The following STON2 variants were observed in gnomAD, a reference collection of about 807,000 sequenced individuals.
STON2 encodes the protein stonin-2.
Under a neutral mutation model 65.7 loss-of-function variants are expected in STON2, and 29 were observed. The observed-to-expected ratio is 0.44, with a 90% CI of 0.33 to 0.60. The LOEUF is 0.60. Ranked by LOEUF, STON2 falls within the 20% of genes least tolerant of loss-of-function variation. The pLI is 0.03. For missense variants in STON2, 1,054 were observed against 1,118.1 expected (o/e 0.94, Z 0.82); for synonymous variants, 404 against 414.2 (o/e 0.98, Z 0.30).
intron 5 of STON2, among the ~76,000 whole-genome samples, chr14:81,311,850 T>C (rs573234973): frequency 6.6e-6 from 1 of 152,352 alleles, no homozygotes; most frequent in African/African-American, 2.4e-5. Flanking sequence ...TACATATTAC[T>C]TCTGTTTTGC....
intron 5 of STON2, among the ~76,000 whole-genome samples, chr14:81,296,586 TC>T (rs1309407699): frequency 3.3e-5 from 5 of 152,178 alleles, no homozygotes; most frequent in African/African-American, 1.2e-4. Flanking sequence ...TCTCTTTGTC[TC>T]TTTTTCTCTG....
At chr14:81,279,457 G>A (rs1221515103) in intron 5 of STON2, among the ~76,000 whole-genome samples, 15 of 152,280 alleles carry the variant, frequency 9.9e-5, no homozygotes, top group African/African-American at 2.9e-4. Context: ...TTGGGAGGCC[G>A]AGGTGGGCAA....
chr14:81,363,955 T>C (rs1898609751), intron 4 of STON2, among the ~76,000 whole-genome samples: 1 of 152,140 alleles, frequency 6.6e-6, no homozygotes, highest in African/African-American at 2.4e-5. Context: ...TGTTATATCT[T>C]GTACAGAGAC....
In STON2 at chr14:81,277,471, CCA is replaced by C; in HGVS notation, c.2009_2010del (p.Leu670ArgfsTer4). ...SFLSGLAECR[L>X]GLNDILVKGN... is the part of the protein sequence containing the mutation. ...CCTTTGACGAGGATGTCATTGAGGCCCAGGCGGCACTCTGCGAGCCCAGACAG... is the reference window on the plus strand; with the variant it reads ...CCTTTGACGAGGATGTCATTGAGGCCGGCGGCACTCTGCGAGCCCAGACAG... On this transcript the variant is annotated frameshift_variant, in exon 6 of 8. Transcript: ENST00000614646. LOFTEE classifies it high-confidence loss of function. 6.2e-7 allele frequency: 1 copy of C among 1,614,100 alleles called. No individual in the cohort carries two copies. The highest frequency in any genetic ancestry group is 8.5e-7 in the Non-Finnish European group (1 of 1,180,028).
At chr14:81,395,597 A>T in intron 3 of STON2, 1 of 316,592 alleles carries the variant, frequency 3.2e-6, no homozygotes, top group South Asian at 4.5e-5. Context: ...AGTAAATATA[A>T]TTCCAATCCC....
At position 81,266,433 on chromosome 14, in the gene STON2, A is replaced by G. The variant is rs1300156577; in HGVS notation, c.*1981T>C. On this transcript the variant is annotated 3_prime_UTR_variant, in exon 8 of 8. Coordinates refer to ENST00000614646, the MANE Select transcript of STON2 (RefSeq NM_001394390.1). ...GCTCAATAGAAATTTCTAGGCAGCT[A>G]TTGTATCATTCCCTCCTTGTCTGCA... is the stretch of plus-strand genomic sequence containing the variant. Among the ~76,000 whole-genome samples the G allele has an allele frequency of 6.6e-6, 1 of 152,160 alleles. No individual in the cohort carries two copies. The highest frequency in any genetic ancestry group is 1.5e-5 in the Non-Finnish European group (1 of 68,024).
At chr14:81,379,200 A>C (rs1485327689) in intron 3 of STON2, among the ~76,000 whole-genome samples, 2 of 152,218 alleles carry the variant, frequency 1.3e-5, no homozygotes, top group Non-Finnish European at 2.9e-5. Context: ...ATCAACATAT[A>C]AAAGTGAATT....
chr14:81,379,146 T>TA (rs1344971209), intron 3 of STON2, among the ~76,000 whole-genome samples: 1 of 152,218 alleles, frequency 6.6e-6, no homozygotes, highest in Non-Finnish European at 1.5e-5. Flanking sequence ...ACCAATAAGT[T>TA]AGCAAATTAA....
At chr14:81,335,668 T>C (rs1011992377) in intron 4 of STON2, among the ~76,000 whole-genome samples, 5 of 152,158 alleles carry the variant, frequency 3.3e-5, no homozygotes, top group African/African-American at 9.7e-5. Context: ...AGTATCGCAA[T>C]GGGTTCCATA....
chr14:81,310,497 G>A (rs1400648200), intron 5 of STON2, among the ~76,000 whole-genome samples: 1 of 152,174 alleles, frequency 6.6e-6, no homozygotes, highest in Non-Finnish European at 1.5e-5. Context: ...GTGGCTGGCA[G>A]CATTAGGAAT....
At chr14:81,393,731 C>T (rs1900187928) in intron 3 of STON2, among the ~76,000 whole-genome samples, 1 of 152,230 alleles carries the variant, frequency 6.6e-6, no homozygotes, top group Non-Finnish European at 1.5e-5. Context: ...AACATTATTT[C>T]TGTGCTCATT....
chr14:81,433,138 A>G (rs1902282903), intron 1 of STON2, among the ~76,000 whole-genome samples: 1 of 152,234 alleles, frequency 6.6e-6, no homozygotes, highest in South Asian at 2.1e-4. Context: ...GTGATATAAA[A>G]TAACGACTTC....
At chr14:81,400,005 C>T (rs1334604210) in intron 1 of STON2, among the ~76,000 whole-genome samples, 5 of 152,194 alleles carry the variant, frequency 3.3e-5, no homozygotes, top group Non-Finnish European at 7.3e-5. Context: ...CACTCTAACC[C>T]TGGTGTCACA....
chr14:81,382,460 T>C (rs1355601083), intron 3 of STON2, among the ~76,000 whole-genome samples: 2 of 152,112 alleles, frequency 1.3e-5, no homozygotes, highest in Non-Finnish European at 2.9e-5. Context: ...GGCTAAATTA[T>C]CATTCTTGAT....
At chr14:81,369,901 G>C (rs563152244) in intron 4 of STON2, among the ~76,000 whole-genome samples, 7 of 152,284 alleles carry the variant, frequency 4.6e-5, no homozygotes, top group African/African-American at 1.7e-4. Flanking sequence ...ATGGGGCTGT[G>C]GGGGCATATT....
At chr14:81,351,969 G>A (rs537799713) in intron 4 of STON2, among the ~76,000 whole-genome samples, 3 of 152,098 alleles carry the variant, frequency 2.0e-5, no homozygotes, top group Non-Finnish European at 4.4e-5. Flanking sequence ...CTAAAGCCTA[G>A]GACGCCTTCT....
chr14:81,361,628 G>A (rs533913399), intron 4 of STON2, among the ~76,000 whole-genome samples: 2 of 151,998 alleles, frequency 1.3e-5, no homozygotes, highest in Admixed American at 6.6e-5. Flanking sequence ...CACAGGAAAC[G>A]AAATAAAAAA....
rs79484450 is a variant in STON2, at chr14:81,376,769, A to T, written c.374-5584T>A. Among the ~76,000 whole-genome samples, 108 of 152,328 alleles carry T rather than the reference A, an allele frequency of 7.1e-4. 1 individual carries two copies. The highest frequency in any genetic ancestry group is 2.5e-3 in the African/African-American group (105 of 41,584). On this transcript the variant is annotated intron_variant, in intron 3 of 7. Coordinates refer to ENST00000614646, the MANE Select transcript of STON2 (RefSeq NM_001394390.1). ...CCAAACAAATTATCAAAGAGAATTT[A>T]GTGATCTATGGAAAGGAGAATTATA...
At chr14:81,305,424 T>C (rs1896134004) in intron 5 of STON2, among the ~76,000 whole-genome samples, 4 of 152,238 alleles carry the variant, frequency 2.6e-5, no homozygotes, top group Admixed American at 2.6e-4. Context: ...TGGTGTGTTA[T>C]ATTGTGGATT....
Sources: gnomAD v4.1 joint callset for allele counts (sites outside exome capture counted in the v4.1 genomes callset) on GRCh38, gnomAD v4.1.1 for gene constraint, MANE v1.5 for transcripts, NCBI Gene and HGNC (gene_info 2026-07-23, HGNC 2026-07-21) for gene names.